SLC39A11: variants seen among roughly 807,000 people sequenced by gnomAD.
SLC39A11 encodes the protein zinc transporter ZIP11.
Under a neutral mutation model 36.1 loss-of-function variants are expected in SLC39A11, and 33 were observed. That is an observed-to-expected ratio of 0.91 (90% CI 0.69 to 1.22). The LOEUF is 1.22. Ranked by LOEUF, SLC39A11 falls within the 50% of genes most tolerant of loss-of-function variation. SLC39A11 has a pLI of 0.00. For missense variants in SLC39A11, 432 were observed against 430.3 expected (o/e 1.00, Z -0.03); for synonymous variants, 166 against 170.3 (o/e 0.97, Z 0.20).
rs193061209 is a variant in SLC39A11, at chr17:73,025,165, T to A, written c.306+6391A>T. Among the ~76,000 whole-genome samples the A allele has an allele frequency of 1.1e-3, 163 of 152,210 alleles. No individual in the cohort carries two copies. The East Asian group carries it at 0.017, about 16-fold the overall frequency. ...AAGGCAGGAGCTGAGAAGAGGGTGA[T>A]CCCTGCTTGCCAGCCTCCCCCACCC... On this transcript the variant is annotated intron_variant, in intron 4 of 9. Transcript: ENST00000255559.
At chr17:72,899,506 AT>A (rs2082208894) in intron 5 of SLC39A11, among the ~76,000 whole-genome samples, 1 of 152,094 alleles carries the variant, frequency 6.6e-6, no homozygotes, top group African/African-American at 2.4e-5. Flanking sequence ...GGCCTGTCTC[AT>A]TTCCCCTCAT....
At chr17:72,727,892 T>C (rs2073998079) in intron 7 of SLC39A11, among the ~76,000 whole-genome samples, 1 of 152,106 alleles carries the variant, frequency 6.6e-6, no homozygotes, top group Non-Finnish European at 1.5e-5. Flanking sequence ...ACACACATGA[T>C]AGGCGAGGTG....
chr17:72,936,265 T>G (rs1374300628), intron 5 of SLC39A11, among the ~76,000 whole-genome samples: 2 of 151,760 alleles, frequency 1.3e-5, no homozygotes, highest in African/African-American at 4.8e-5. Flanking sequence ...TTCACAGGGT[T>G]TTTGAGACCA....
intron 4 of SLC39A11, among the ~76,000 whole-genome samples, chr17:72,986,217 C>CTCCA (rs2088738590): frequency 6.6e-6 from 1 of 152,200 alleles, no homozygotes; most frequent in Non-Finnish European, 1.5e-5. Flanking sequence ...CCCAGTAAGA[C>CTCCA]TCCAGGGTCC....
intron 5 of SLC39A11, among the ~76,000 whole-genome samples, chr17:72,885,514 C>A (rs1598276292): frequency 6.6e-6 from 1 of 152,264 alleles, no homozygotes; most frequent in South Asian, 2.1e-4. Flanking sequence ...GCCTCACCTC[C>A]AATGAACCTG....
At chr17:72,892,616 T>A (rs2146748918) in intron 5 of SLC39A11, among the ~76,000 whole-genome samples, 1 of 152,308 alleles carries the variant, frequency 6.6e-6, no homozygotes, top group East Asian at 1.9e-4. Flanking sequence ...TTTTTGCCTG[T>A]CTTTTCCAAA....
chr17:72,825,882 G>A (rs150825119), intron 6 of SLC39A11, among the ~76,000 whole-genome samples: 78 of 152,296 alleles, frequency 5.1e-4, no homozygotes, highest in African/African-American at 1.5e-3. Flanking sequence ...TAACTGACTG[G>A]GTTTGATTTT....
chr17:72,797,780 C>T (rs2076942747), intron 6 of SLC39A11, among the ~76,000 whole-genome samples: 1 of 152,128 alleles, frequency 6.6e-6, no homozygotes, highest in South Asian at 2.1e-4. Context: ...GGACCCAGAT[C>T]CTTTATTCCA....
At chr17:73,044,664 A>G in intron 3 of SLC39A11, among the ~76,000 whole-genome samples, 1 of 152,138 alleles carries the variant, frequency 6.6e-6, no homozygotes, top group East Asian at 1.9e-4. Flanking sequence ...ACTTGAGGCC[A>G]GGAGTTCAAG....
intron 5 of SLC39A11, among the ~76,000 whole-genome samples, chr17:72,875,800 C>T (rs533128508): frequency 1.3e-5 from 2 of 152,186 alleles, no homozygotes; most frequent in African/African-American, 4.8e-5. Context: ...ATTCCAAAGG[C>T]GAGGCTCAGT....
At chr17:72,677,435 T>G (rs1241852473) in intron 7 of SLC39A11, among the ~76,000 whole-genome samples, 3 of 152,174 alleles carry the variant, frequency 2.0e-5, no homozygotes, top group Non-Finnish European at 4.4e-5. Context: ...AGATGGGACA[T>G]TCTGAGAACC....
intron 6 of SLC39A11, among the ~76,000 whole-genome samples, chr17:72,803,734 G>A (rs2077167512): frequency 6.6e-6 from 1 of 152,146 alleles, no homozygotes; most frequent in African/African-American, 2.4e-5. Context: ...CCCTTGATCA[G>A]TATTCGGCAG....
chr17:72,806,687 A>G (rs754267947), intron 6 of SLC39A11, among the ~76,000 whole-genome samples: 16 of 152,046 alleles, frequency 1.1e-4, no homozygotes, highest in Non-Finnish European at 1.9e-4. Flanking sequence ...AGTTCAAGTG[A>G]TTCTCCCGCC....
intron 7 of SLC39A11, among the ~76,000 whole-genome samples, chr17:72,733,643 G>A (rs1296072053): frequency 6.6e-5 from 10 of 152,294 alleles, no homozygotes; most frequent in African/African-American, 2.4e-4. Flanking sequence ...AGGACCACAT[G>A]ATTTCACCAA....
intron 4 of SLC39A11, among the ~76,000 whole-genome samples, chr17:73,020,786 A>G (rs372352547): frequency 2.2e-3 from 322 of 148,438 alleles, no homozygotes; most frequent in East Asian, 0.018. Context: ...GGGTTCAAGC[A>G]ATTCTCCTGC....
chr17:72,915,370 G>A (rs145515086), intron 5 of SLC39A11, among the ~76,000 whole-genome samples: 10 of 152,184 alleles, frequency 6.6e-5, no homozygotes, highest in African/African-American at 2.2e-4. Flanking sequence ...TTACCTAATT[G>A]TTACCCTGCC....
At chr17:73,085,303 T>C (rs990833461) in intron 2 of SLC39A11, among the ~76,000 whole-genome samples, 1 of 151,540 alleles carries the variant, frequency 6.6e-6, no homozygotes, top group East Asian at 1.9e-4. Context: ...GGTCAGGAGT[T>C]CAAGACCAGC....
At chr17:73,046,255 TC>T (rs1346107669) in intron 3 of SLC39A11, among the ~76,000 whole-genome samples, 1 of 152,146 alleles carries the variant, frequency 6.6e-6, no homozygotes, top group African/African-American at 2.4e-5. Context: ...AGAAAGATGC[TC>T]CTCCTTGTTC....
intron 5 of SLC39A11, 159 bp downstream of exon 5, chr17:72,947,593 G>A: frequency 1.9e-6 from 2 of 1,057,948 alleles, no homozygotes. Flanking sequence ...CCAGATGCCA[G>A]TTTAGCTCCA....
Sources: gnomAD v4.1 joint callset for allele counts (sites outside exome capture counted in the v4.1 genomes callset) on GRCh38, gnomAD v4.1.1 for gene constraint, MANE v1.5 for transcripts, NCBI Gene and HGNC (gene_info 2026-07-23, HGNC 2026-07-21) for gene names.